The following LINGO2 variants were observed in gnomAD, a reference collection of about 807,000 sequenced individuals.
LINGO2 encodes the protein leucine rich repeat and Ig domain containing 2.
LINGO2 carries 14 observed loss-of-function variants against 30.6 expected under a neutral mutation model. That is an observed-to-expected ratio of 0.46 (90% confidence interval 0.30 to 0.72). The LOEUF is 0.72. Among genes scored for constraint, LINGO2 ranks in the 30% least tolerant of loss-of-function variants. LINGO2 has a pLI of 0.07. For missense variants in LINGO2, 729 were observed against 751.7 expected, an observed-to-expected ratio of 0.97 and a Z score of 0.35; for synonymous variants, 317 against 288.5, an observed-to-expected ratio of 1.10 and a Z score of -1.00.
intron 1 of LINGO2, among the ~76,000 whole-genome samples, chr9:28,506,412 ATAT>A (rs1820119650): frequency 5.9e-5 from 4 of 67,258 alleles, no homozygotes; most frequent in Admixed American, 4.9e-4. Context: ...ATATATATAT[ATAT>A]ATATATACAC....
chr9:28,198,846 C>G (rs1820112771), intron 4 of LINGO2, among the ~76,000 whole-genome samples: 2 of 152,098 alleles, frequency 1.3e-5, no homozygotes, highest in African/African-American at 2.4e-5. Flanking sequence ...TTTAGGATCT[C>G]AGAGTCAAAA....
the LINGO2 span, among the ~76,000 whole-genome samples, chr9:29,023,912 C>G: frequency 1.3e-5 from 2 of 152,136 alleles, no homozygotes; most frequent in Admixed American, 6.6e-5. Flanking sequence ...TAATACAGAT[C>G]TATGTTTCCT....
chr9:28,962,374 C>T, the LINGO2 span, among the ~76,000 whole-genome samples: 1 of 152,028 alleles, frequency 6.6e-6, no homozygotes, highest in South Asian at 2.1e-4. Context: ...CATCTTTCCA[C>T]TCATACCTTT....
the LINGO2 span, among the ~76,000 whole-genome samples, chr9:28,677,598 C>T: frequency 3.3e-5 from 5 of 152,282 alleles, no homozygotes; most frequent in Admixed American, 6.5e-5. Context: ...AGTGGATTCA[C>T]ACTCTCACCT....
chr9:28,570,739 A>C (rs567841368), intron 1 of LINGO2, among the ~76,000 whole-genome samples: 5 of 152,100 alleles, frequency 3.3e-5, no homozygotes, highest in Admixed American at 2.0e-4. Context: ...ATTTAGCATT[A>C]ACAATTGGTC....
chr9:28,220,198 T>TGA lies in LINGO2; in HGVS notation c.-87+75009_-87+75010insTC, dbSNP rs1820908382. On this transcript the variant is annotated intron_variant, in intron 4 of 5. Transcript: ENST00000379992. Reference sequence around the variant, plus strand: ...GACTAGAGAGTCTGGGATTTTCGTATCTCTGGGAGTCCTGGAACCAATTCC... The same window carrying TGA: ...GACTAGAGAGTCTGGGATTTTCGTATGACTCTGGGAGTCCTGGAACCAATTCC... Among the ~76,000 whole-genome samples the TGA allele has an allele frequency of 1.1e-4, 17 of 152,104 alleles. No individual in the cohort carries two copies. The South Asian group carries it at 3.3e-3, about 30-fold the overall frequency.
chr9:28,510,810 G>T (rs1245789431), intron 1 of LINGO2, among the ~76,000 whole-genome samples: 1 of 151,832 alleles, frequency 6.6e-6, no homozygotes, highest in Non-Finnish European at 1.5e-5. Context: ...AGTTTATTAA[G>T]TATTAACTTA....
Position 28,189,195 on chromosome 9 carries a change from CT to C in LINGO2, c.-87+106012del, listed in dbSNP as rs571044713. ...AAACAAAGATAGCCAGAGCAGTGATCTTTTTTTTCTACCATATTAGGAAGGA... is the reference window on the plus strand; with the variant it reads ...AAACAAAGATAGCCAGAGCAGTGATCTTTTTTTCTACCATATTAGGAAGGA... On this transcript the variant is annotated intron_variant, in intron 4 of 5. Transcript: ENST00000379992. Among the ~76,000 whole-genome samples the C allele has an allele frequency of 9.8e-5, 14 of 142,446 alleles. No individual in the cohort carries two copies. The South Asian group carries it at 3.1e-3, about 32-fold the overall frequency. The allele number at this position is 142,446 out of a possible 152,430, so 93.5% of individuals were successfully genotyped here.
intron 4 of LINGO2, among the ~76,000 whole-genome samples, chr9:28,102,369 A>G (rs1036552057): frequency 1.3e-5 from 2 of 152,092 alleles, no homozygotes; most frequent in African/African-American, 4.8e-5. Flanking sequence ...CACAAACCAG[A>G]GAGGGGGATC....
intron 1 of LINGO2, among the ~76,000 whole-genome samples, chr9:28,631,035 T>A (rs1587988798): frequency 1.3e-5 from 2 of 151,966 alleles, no homozygotes; most frequent in South Asian, 4.1e-4. Flanking sequence ...TTCCATATTA[T>A]TTTTGCAACA....
At position 28,642,925 on chromosome 9, in the gene LINGO2, A is replaced by G. The variant is rs187871728; in HGVS notation, c.-365+27275T>C. Among the ~76,000 whole-genome samples, 160 of 152,282 alleles carry G rather than the reference A, an allele frequency of 1.1e-3. 1 individual carries two copies. The highest frequency in any genetic ancestry group is 2.4e-4 in the Non-Finnish European group (16 of 67,992). On this transcript the variant is annotated intron_variant, in intron 1 of 5. Coordinates refer to ENST00000379992, the Ensembl canonical transcript of LINGO2. Reference sequence around the variant, plus strand: ...AGGTCATACCCACTAATATACATATATATGATGAATAAATTAACAAAAGAT... The same window carrying G: ...AGGTCATACCCACTAATATACATATGTATGATGAATAAATTAACAAAAGAT...
At chr9:28,558,785 G>A (rs1218995591) in intron 1 of LINGO2, among the ~76,000 whole-genome samples, 1 of 151,894 alleles carries the variant, frequency 6.6e-6, no homozygotes, top group Non-Finnish European at 1.5e-5. Context: ...CTTCAAAAAT[G>A]TTTCATTTGT....
intron 5 of LINGO2, among the ~76,000 whole-genome samples, chr9:27,977,569 A>C (rs1385655535): frequency 6.6e-6 from 1 of 152,008 alleles, no homozygotes. Context: ...TCTTGACTGC[A>C]TATCCTCAGA....
intron 2 of LINGO2, among the ~76,000 whole-genome samples, chr9:28,474,961 C>T (rs114879984): frequency 0.021 from 3,261 of 151,946 alleles, 108 homozygotes; most frequent in African/African-American, 0.074. Context: ...TTCTTTTTAT[C>T]ATTTCATTTT....
Position 28,319,696 on chromosome 9 carries a change from A to T in LINGO2, c.-245-24330T>A, listed in dbSNP as rs182325503. Among the ~76,000 whole-genome samples the T allele has an allele frequency of 1.5e-3, 231 of 152,290 alleles. 2 individuals are homozygous for T. Among genetic ancestry groups the T allele is most frequent in the African/African-American group, 5.4e-3 (223 of 41,570 alleles). On this transcript the variant is annotated intron_variant, in intron 3 of 5. Transcript: ENST00000379992. ...GGCAGAAAATAGATTGGTTGTTTCC[A>T]GGAAATGAGAATGAGAGGAGGCGAC...
the LINGO2 span, among the ~76,000 whole-genome samples, chr9:28,941,520 A>G: frequency 6.6e-6 from 1 of 152,110 alleles, no homozygotes; most frequent in African/African-American, 2.4e-5. Context: ...AAAAATGTAT[A>G]CATATTATAG....
At chr9:28,326,863 CT>C (rs1825247745) in intron 3 of LINGO2, among the ~76,000 whole-genome samples, 1 of 152,112 alleles carries the variant, frequency 6.6e-6, no homozygotes, top group Non-Finnish European at 1.5e-5. Flanking sequence ...ATGGTCACCC[CT>C]GGACACATAA....
chr9:28,343,146 A>G (rs984013311), intron 3 of LINGO2, among the ~76,000 whole-genome samples: 1 of 152,208 alleles, frequency 6.6e-6, no homozygotes, highest in African/African-American at 2.4e-5. Flanking sequence ...GGTCAAACAG[A>G]TAAGTGTTGT....
chr9:28,940,178 C>T, the LINGO2 span, among the ~76,000 whole-genome samples: 1 of 152,124 alleles, frequency 6.6e-6, no homozygotes, highest in South Asian at 2.1e-4. Flanking sequence ...TTCACCAAGC[C>T]GATGTCTTCT....
Sources: allele counts gnomAD v4.1 joint callset (sites outside exome capture counted in the v4.1 genomes callset), GRCh38; gene constraint gnomAD v4.1.1; transcripts MANE v1.5; gene names NCBI Gene and HGNC (gene_info 2026-07-23, HGNC 2026-07-21).